The following TEX11 variants were observed in gnomAD, a reference collection of about 807,000 sequenced individuals.
TEX11 encodes the protein testis expressed 11, also known as testis-expressed protein 11.
Under a neutral mutation model 84.4 loss-of-function variants are expected in TEX11, and 7 were observed. The observed-to-expected ratio is 0.08, with a 90% CI of 0.05 to 0.16. The LOEUF (loss-of-function observed/expected upper bound fraction) is 0.16, where lower values mean the gene tolerates loss of function less well. TEX11 is among the 10% of genes least tolerant of loss of function. TEX11 has a pLI of 1.00. For missense variants in TEX11, 551 were observed against 660.5 expected (o/e 0.83, Z 1.82); for synonymous variants, 264 against 222.8 (o/e 1.18, Z -1.64).
At chrX:70,750,921 T>TAAAAAA (rs1181422597) in intron 9 of TEX11, among the ~76,000 whole-genome samples, 3 of 35,347 alleles carry the variant, frequency 8.5e-5, no homozygotes, top group Middle Eastern at 0.015. Flanking sequence ...TAAAGTATAA[T>TAAAAAA]AAAAAAAAAA....
chrX:70,645,662 T>G (rs1268631759), intron 17 of TEX11, among the ~76,000 whole-genome samples: 2 of 111,424 alleles, frequency 1.8e-5, no homozygotes, highest in African/African-American at 6.5e-5. Flanking sequence ...GAAAAAATAT[T>G]AAAAACATGA....
At chrX:70,880,278 G>A (rs927262369) in intron 2 of TEX11, among the ~76,000 whole-genome samples, 169 bp from the exon 3 acceptor site, 2 of 112,383 alleles carry the variant, frequency 1.8e-5, no homozygotes, top group African/African-American at 6.5e-5. Flanking sequence ...TTAAGCTAGA[G>A]TATAATTTTC....
intron 10 of TEX11, among the ~76,000 whole-genome samples, chrX:70,742,507 T>A (rs905723787): frequency 4.6e-5 from 5 of 109,439 alleles, no homozygotes; most frequent in African/African-American, 1.7e-4. Flanking sequence ...GGTGGGAGGA[T>A]CACTTGAGGC....
chrX:70,860,256 A>G (rs1432504254), intron 5 of TEX11, among the ~76,000 whole-genome samples: 1 of 111,748 alleles, frequency 8.9e-6, no homozygotes, highest in Non-Finnish European at 1.9e-5. Flanking sequence ...GATTTATCAG[A>G]CTGTTGTCAT....
At chrX:70,725,759 G>T (rs935219044) in intron 11 of TEX11, among the ~76,000 whole-genome samples, 2 of 112,082 alleles carry the variant, frequency 1.8e-5, no homozygotes, top group Non-Finnish European at 3.8e-5. Flanking sequence ...TATGCCTGTC[G>T]TGTTTACCAT....
At chrX:70,594,462 TTTC>T (rs1318406287) in intron 24 of TEX11, among the ~76,000 whole-genome samples, 2 of 111,266 alleles carry the variant, frequency 1.8e-5, no homozygotes, top group Admixed American at 9.6e-5. Flanking sequence ...TAAATGTATA[TTTC>T]TTCTTCTCTT....
chrX:70,883,522 A>G (rs2091693797), intron 2 of TEX11, among the ~76,000 whole-genome samples: 1 of 111,103 alleles, frequency 9.0e-6, no homozygotes, highest in Admixed American at 9.6e-5. Flanking sequence ...GGAGGTTGAA[A>G]CTACAGTGAG....
chrX:70,644,490 T>C (rs1308513255), intron 17 of TEX11, among the ~76,000 whole-genome samples: 1 of 108,642 alleles, frequency 9.2e-6, no homozygotes, highest in East Asian at 2.9e-4. Context: ...TATTGCGGCA[T>C]TATTCACAAT....
intron 7 of TEX11, among the ~76,000 whole-genome samples, chrX:70,836,408 C>T (rs887241688): frequency 1.8e-5 from 2 of 111,230 alleles, no homozygotes; most frequent in Non-Finnish European, 3.8e-5. Context: ...ACAATATTCG[C>T]GAATATTTAT....
chrX:70,548,973 C>T (rs2088176115), intron 28 of TEX11, among the ~76,000 whole-genome samples: 1 of 111,240 alleles, frequency 9.0e-6, no homozygotes. Flanking sequence ...CAACCCCAGG[C>T]AGTGCAGTTT....
At chrX:70,597,020 T>A (rs2089016650) in intron 24 of TEX11, among the ~76,000 whole-genome samples, 1 of 111,909 alleles carries the variant, frequency 8.9e-6, no homozygotes, top group Admixed American at 9.5e-5. Flanking sequence ...AACTTAGATG[T>A]AATGGATAAA....
At chrX:70,873,071 G>T in intron 4 of TEX11, 152 bp downstream of exon 4, 2 of 365,990 alleles carry the variant, frequency 5.5e-6, no homozygotes, top group South Asian at 1.5e-4. Context: ...GAGGCCATTT[G>T]CTTGAGAAAC....
intron 25 of TEX11, among the ~76,000 whole-genome samples, chrX:70,586,996 C>A (rs1489731069): frequency 8.9e-6 from 1 of 112,140 alleles, no homozygotes; most frequent in Non-Finnish European, 1.9e-5. Context: ...TTCTTGGGAA[C>A]TGGAGCAAAG....
chrX:70,577,303 C>A (rs1248091664), intron 25 of TEX11, among the ~76,000 whole-genome samples: 2 of 111,250 alleles, frequency 1.8e-5, no homozygotes, highest in African/African-American at 6.5e-5. Context: ...AGAATTCTTA[C>A]CAGAGAAATG....
At chrX:70,630,695 C>A (rs951762182) in intron 17 of TEX11, among the ~76,000 whole-genome samples, 2 of 111,424 alleles carry the variant, frequency 1.8e-5, no homozygotes, top group African/African-American at 6.5e-5. Flanking sequence ...ATATAAATGA[C>A]CAAATGACCA....
At chrX:70,638,362 C>T (rs2089600359) in intron 17 of TEX11, among the ~76,000 whole-genome samples, 1 of 111,405 alleles carries the variant, frequency 9.0e-6, no homozygotes, top group African/African-American at 3.3e-5. Flanking sequence ...GAGAAAAAAC[C>T]CTGCCAATTA....
chrX:70,546,385 T>C (rs761196241), intron 28 of TEX11, among the ~76,000 whole-genome samples: 2 of 111,648 alleles, frequency 1.8e-5, no homozygotes, highest in Admixed American at 1.9e-4. Context: ...AAGAAAAAAT[T>C]GATAGATTGG....
chrX:70,552,428 C>T (rs2088227961), intron 27 of TEX11, among the ~76,000 whole-genome samples, 182 bp from the exon 28 acceptor site: 1 of 112,146 alleles, frequency 8.9e-6, no homozygotes, highest in African/African-American at 3.2e-5. Flanking sequence ...AACAGGTTGA[C>T]CAATCCTTTC....
intron 8 of TEX11, among the ~76,000 whole-genome samples, chrX:70,825,768 G>C (rs1009138630): frequency 4.5e-5 from 5 of 111,189 alleles, no homozygotes; most frequent in African/African-American, 1.6e-4. Flanking sequence ...CTGAGGTCAG[G>C]AGTTCAAGAC....
Sources: allele counts gnomAD v4.1 joint callset (sites outside exome capture counted in the v4.1 genomes callset), GRCh38; gene constraint gnomAD v4.1.1; transcripts MANE v1.5; gene names NCBI Gene and HGNC (gene_info 2026-07-23, HGNC 2026-07-21).